CNBD1: variants seen among roughly 807,000 people sequenced by gnomAD.
The protein encoded by CNBD1 is cyclic nucleotide binding domain containing 1.
CNBD1 carries 71 observed loss-of-function variants against 54.4 expected under a neutral mutation model. The ratio of observed to expected loss-of-function variants is 1.30; its 90% CI spans 1.08 to 1.59. The LOEUF is 1.59. CNBD1 is among the 40% of genes most tolerant of loss of function. The probability of loss-of-function intolerance (pLI) is 0.00; values close to 1 mark genes in which losing one functional copy is unlikely to be tolerated. For synonymous variants in CNBD1, 182 were observed against 170.7 expected (o/e 1.07, Z -0.51); for missense variants, 659 against 518.0 (o/e 1.27, Z -2.64).
At chr8:87,380,863 C>G (rs183572870) in intron 10 of CNBD1, among the ~76,000 whole-genome samples, 1 of 151,820 alleles carries the variant, frequency 6.6e-6, no homozygotes, top group East Asian at 1.9e-4. Flanking sequence ...AAAATTGGAC[C>G]CTTACCTTGC....
At chr8:87,224,358 G>C (rs1814425473) in intron 5 of CNBD1, among the ~76,000 whole-genome samples, 1 of 151,118 alleles carries the variant, frequency 6.6e-6, no homozygotes, top group Admixed American at 6.6e-5. Flanking sequence ...TTTTCTTCTA[G>C]GGTTTTTATG....
intron 4 of CNBD1, among the ~76,000 whole-genome samples, chr8:87,102,615 G>GTTGT (rs145245056): frequency 0.016 from 2,361 of 151,888 alleles, 53 homozygotes; most frequent in African/African-American, 0.051. Context: ...ACTTTTTTTT[G>GTTGT]TTGTTTGTTT....
chr8:87,408,511 A>G (rs1183492037), intron 2 of CNBD1, among the ~76,000 whole-genome samples: 1 of 152,086 alleles, frequency 6.6e-6, no homozygotes, highest in Non-Finnish European at 1.5e-5. Context: ...AGTCATCTTT[A>G]TGAACTATTT....
intron 3 of CNBD1, among the ~76,000 whole-genome samples, chr8:86,907,906 C>A (rs1418294981): frequency 6.6e-6 from 1 of 152,016 alleles, no homozygotes; most frequent in Non-Finnish European, 1.5e-5. Flanking sequence ...CATGAAATAC[C>A]TACACTGTTA....
chr8:87,286,855 A>T (rs1808709799), intron 8 of CNBD1, among the ~76,000 whole-genome samples, 184 bp downstream of exon 8: 1 of 152,060 alleles, frequency 6.6e-6, no homozygotes, highest in South Asian at 2.1e-4. Flanking sequence ...ATGATACTGT[A>T]CTGGCTTGAA....
At chr8:87,316,272 C>T (rs10087955) in intron 8 of CNBD1, among the ~76,000 whole-genome samples, 9 of 151,712 alleles carry the variant, frequency 5.9e-5, no homozygotes, top group Non-Finnish European at 1.3e-4. Flanking sequence ...AAGAGAAATA[C>T]AATTAGAATG....
At chr8:87,332,797 G>T (rs1809863075) in intron 8 of CNBD1, among the ~76,000 whole-genome samples, 1 of 152,080 alleles carries the variant, frequency 6.6e-6, no homozygotes, top group African/African-American at 2.4e-5. Context: ...GGCATAGTTT[G>T]AAGTCAGGTG....
intron 2 of CNBD1, chr8:87,428,403 C>T (rs1002204614): frequency 3.2e-6 from 1 of 316,068 alleles, no homozygotes; most frequent in Non-Finnish European, 6.2e-6. Context: ...CTTAGAAGTA[C>T]TAATGAATCA....
downstream of CNBD1, among the ~76,000 whole-genome samples, chr8:87,384,576 A>G (rs1811147231): frequency 6.6e-6 from 1 of 152,098 alleles, no homozygotes; most frequent in African/African-American, 2.4e-5. Flanking sequence ...AAACTGCATA[A>G]AGTCTTAGTT....
At chr8:87,390,312 A>G (rs1312737091) in intron 2 of CNBD1, among the ~76,000 whole-genome samples, 3 of 152,184 alleles carry the variant, frequency 2.0e-5, no homozygotes, top group Non-Finnish European at 2.9e-5. Context: ...TGAACAGGCA[A>G]CCTACAGTAT....
intron 4 of CNBD1, among the ~76,000 whole-genome samples, chr8:86,975,159 GT>G (rs1338062101): frequency 4.6e-5 from 7 of 152,000 alleles, no homozygotes; most frequent in Non-Finnish European, 1.0e-4. Flanking sequence ...ACAGTGTGAT[GT>G]TTTGAAGCAT....
chr8:87,090,610 TG>T (rs971602489), intron 4 of CNBD1, among the ~76,000 whole-genome samples: 1 of 151,880 alleles, frequency 6.6e-6, no homozygotes, highest in Non-Finnish European at 1.5e-5. Context: ...TTCATTTGTC[TG>T]TAAAATCTAC....
At chr8:87,202,323 A>G (rs1711605097) in intron 4 of CNBD1, among the ~76,000 whole-genome samples, 1 of 152,226 alleles carries the variant, frequency 6.6e-6, no homozygotes, top group South Asian at 2.1e-4. Flanking sequence ...ATACAATACA[A>G]GGAAAGATAC....
intron 8 of CNBD1, among the ~76,000 whole-genome samples, chr8:87,320,920 A>T (rs1809512038): frequency 6.6e-6 from 1 of 152,094 alleles, no homozygotes; most frequent in African/African-American, 2.4e-5. Context: ...TGCTATCAAT[A>T]TGGCTATTTT....
chr8:87,290,621 A>C (rs976759314), intron 8 of CNBD1, among the ~76,000 whole-genome samples: 2 of 152,120 alleles, frequency 1.3e-5, no homozygotes, highest in African/African-American at 4.8e-5. Flanking sequence ...CAGCCTGAAG[A>C]ACTTTTTTTA....
At chr8:87,299,195 C>G (rs1366916005) in intron 8 of CNBD1, among the ~76,000 whole-genome samples, 1 of 152,078 alleles carries the variant, frequency 6.6e-6, no homozygotes, top group Non-Finnish European at 1.5e-5. Context: ...TAAACTCAAG[C>G]CAGTTCTCTA....
chr8:87,246,641 C>A (rs1807811783), intron 6 of CNBD1, among the ~76,000 whole-genome samples: 1 of 152,072 alleles, frequency 6.6e-6, no homozygotes, highest in Non-Finnish European at 1.5e-5. Flanking sequence ...GCTCCCCTGT[C>A]TTTCCATCCT....
At chr8:87,421,417 C>CT (rs1563595850) in intron 2 of CNBD1, among the ~76,000 whole-genome samples, 1 of 104,656 alleles carries the variant, frequency 9.6e-6, no homozygotes, top group African/African-American at 3.4e-5. Context: ...AATGCTCTCC[C>CT]TCCCCCCCTC....
At chr8:87,392,317 A>T (rs1363518823) in intron 2 of CNBD1, among the ~76,000 whole-genome samples, 1 of 151,996 alleles carries the variant, frequency 6.6e-6, no homozygotes, top group East Asian at 1.9e-4. Flanking sequence ...TATCCAAGAG[A>T]AGTGAAAACA....
Sources: gnomAD v4.1 joint callset for allele counts (sites outside exome capture counted in the v4.1 genomes callset) on GRCh38, gnomAD v4.1.1 for gene constraint, MANE v1.5 for transcripts, NCBI Gene and HGNC (gene_info 2026-07-23, HGNC 2026-07-21) for gene names.